ATP1B1: variants seen among roughly 807,000 people sequenced by gnomAD.
ATP1B1 encodes the protein sodium/potassium-transporting ATPase subunit beta-1.
Under a neutral mutation model 39.6 loss-of-function variants are expected in ATP1B1, and 3 were observed. That is an observed-to-expected ratio of 0.08 (90% CI 0.03 to 0.20). The LOEUF (loss-of-function observed/expected upper bound fraction) is 0.20, where lower values mean the gene tolerates loss of function less well. Ranked by LOEUF, ATP1B1 falls within the 10% of genes least tolerant of loss-of-function variation. The probability of loss-of-function intolerance (pLI) is 1.00; values close to 1 mark genes in which losing one functional copy is unlikely to be tolerated. For synonymous variants in ATP1B1, 139 were observed against 135.0 expected (o/e 1.03, Z -0.20); for missense variants, 216 against 371.1 (o/e 0.58, Z 3.43).
At chr1:169,123,565 G>C (rs530518439) in intron 2 of ATP1B1, among the ~76,000 whole-genome samples, 1 of 149,860 alleles carries the variant, frequency 6.7e-6, no homozygotes, top group Non-Finnish European at 1.5e-5. Context: ...TTGAATTTCA[G>C]TTAAACTATA....
Position 169,125,017 on chromosome 1 carries a change from C to A in ATP1B1, c.360C>A (p.Asp120Glu). The A allele has an allele frequency of 6.2e-7, 1 of 1,612,718 alleles. No individual in the cohort carries two copies. The highest frequency in any genetic ancestry group is 1.1e-5 in the South Asian group (1 of 90,680). Residue 120 changes from aspartate (D) to glutamate (E), a missense_variant, in exon 3 of 6, where the codon GAC (aspartate) becomes GAA (glutamate). Physicochemically the swap from Asp to Glu is conservative, Grantham distance 45. Transcript: ENST00000367815. ...ACAAAGATTCAGCCCAGAGGGATGA[C>A]ATGATTTTTGAAGATTGTGGCGGTA... is the stretch of plus-strand genomic sequence containing the variant. Reference protein sequence around the residue: ...EKYKDSAQRDDMIFEDCGDVP... With the variant: ...EKYKDSAQRDEMIFEDCGDVP...
intron 2 of ATP1B1, among the ~76,000 whole-genome samples, chr1:169,112,174 T>C (rs557004575): frequency 6.6e-6 from 1 of 152,380 alleles, no homozygotes; most frequent in Non-Finnish European, 1.5e-5. Context: ...CTGTCTCTTT[T>C]AGCTCTTAAA....
In ATP1B1 at chr1:169,131,210, G is replaced by A. The variant is rs1658212299; in HGVS notation, c.649-82G>A. 2.6e-6 allele frequency: 4 copies of A among 1,531,494 alleles called. No homozygotes were observed. The highest frequency in any genetic ancestry group is 3.6e-6 in the Non-Finnish European group (4 of 1,126,252). The allele number at this position is 1,531,494 out of a possible 1,614,324, so 94.9% of individuals were successfully genotyped here. ...CTCTCTCAGTAGTTTGCAAACTACT[G>A]TGTAGATTGAGTCTTGTTTTTGAGT... is the stretch of plus-strand genomic sequence containing the variant. On this transcript the variant is annotated intron_variant, in intron 5 of 5. Coordinates refer to ENST00000367815, the MANE Select transcript of ATP1B1 (RefSeq NM_001677.4). The surrounding 1 kb of genome is among the most constrained non-coding windows in gnomAD (Gnocchi z 4.4).
At chr1:169,107,662 G>A (rs1657630142) in intron 1 of ATP1B1, among the ~76,000 whole-genome samples, 1 of 152,026 alleles carries the variant, frequency 6.6e-6, no homozygotes, top group African/African-American at 2.4e-5. Context: ...CAGAGCAGCT[G>A]ATCTTAAAAT....
intron 2 of ATP1B1, among the ~76,000 whole-genome samples, chr1:169,115,204 A>G (rs1364045127): frequency 3.2e-5 from 4 of 126,642 alleles, no homozygotes; most frequent in Non-Finnish European, 5.4e-5. Flanking sequence ...AAAAAAGAAA[A>G]AAAAGGGGGG....
intron 2 of ATP1B1, among the ~76,000 whole-genome samples, chr1:169,122,780 A>G (rs1267534781): frequency 2.4e-5 from 2 of 84,304 alleles, no homozygotes; most frequent in Non-Finnish European, 5.2e-5. Context: ...TAATTGCGAT[A>G]GAGTCTTGCT....
intron 5 of ATP1B1, 117 bp downstream of exon 5, chr1:169,130,207 G>A (rs1658177142): frequency 2.3e-6 from 2 of 878,294 alleles, no homozygotes. Flanking sequence ...AAGAAACATT[G>A]CTTTCAAGTA....
At chr1:169,119,553 G>T (rs949800914) in intron 2 of ATP1B1, among the ~76,000 whole-genome samples, 1 of 152,200 alleles carries the variant, frequency 6.6e-6, no homozygotes, top group Non-Finnish European at 1.5e-5. Context: ...AGAAAGAGGG[G>T]CATGATGGGA....
In ATP1B1 at chr1:169,132,169, G is replaced by C. The variant is rs1357214403; in HGVS notation, c.*614G>C. ...GGGGGCTGGGGTGGGGGTTTGTCAT[G>C]GGGGAACTGCCCTTTAAATTTTAAG... On this transcript the variant is annotated 3_prime_UTR_variant, in exon 6 of 6. Transcript: ENST00000367815. The C allele has an allele frequency of 3.1e-6, 2 of 634,920 alleles. No homozygotes were observed. Among genetic ancestry groups the C allele is most frequent in the Admixed American group, 4.1e-5 (2 of 48,690 alleles). 39.3% of individuals were successfully genotyped at this position (634,920 alleles called of 1,614,324 possible).
In ATP1B1 at chr1:169,132,602, G is replaced by A; in HGVS notation, c.*1047G>A. ...AGTACCCCATAGACTGGTGTTAAATGTTGTCTACAGTGCAAAATCCATGTT... is the reference window on the plus strand; with the variant it reads ...AGTACCCCATAGACTGGTGTTAAATATTGTCTACAGTGCAAAATCCATGTT... On this transcript the variant is annotated 3_prime_UTR_variant, in exon 6 of 6. Coordinates refer to ENST00000367815, the MANE Select transcript of ATP1B1 (RefSeq NM_001677.4). 1.9e-6 allele frequency: 1 copy of A among 537,778 alleles called. No homozygotes were observed. The highest frequency in any genetic ancestry group is 3.0e-5 in the South Asian group (1 of 32,894). 33.3% of individuals were successfully genotyped at this position (537,778 alleles called of 1,614,324 possible). A position where few individuals can be genotyped will look rare whatever the true frequency, so the allele number is the denominator to read the frequency against.
rs1028991221 is a variant in ATP1B1 at position 169,130,188 on chromosome 1, A to G, written c.648+98A>G. 4.0e-6 allele frequency: 4 copies of G among 1,003,440 alleles called. No homozygotes were observed. In the African/African-American group the frequency reaches 6.5e-5, roughly 16 times the overall value. 62.2% of individuals were successfully genotyped at this position (1,003,440 alleles called of 1,614,324 possible). Reference sequence around the variant, plus strand: ...TTTAAGTGACAGGTAGAATTTTAATAGAAGAAATAAGAAACATTGCTTTCA... The same window carrying G: ...TTTAAGTGACAGGTAGAATTTTAATGGAAGAAATAAGAAACATTGCTTTCA... On this transcript the variant is annotated intron_variant, in intron 5 of 5. Transcript: ENST00000367815.
chr1:169,114,839 C>T (rs985916559), intron 2 of ATP1B1, among the ~76,000 whole-genome samples: 1 of 151,674 alleles, frequency 6.6e-6, no homozygotes, highest in Non-Finnish European at 1.5e-5. Context: ...GCCTGGGCAA[C>T]ATAGCAAGAC....
Position 169,129,086 on chromosome 1 carries a change from A to G in ATP1B1, c.568-924A>G, listed in dbSNP as rs544330590. ...TCTCTACATATTTTTAAAGACAAATACATTGCTGGCAGAAACGTCCCAAAG... is the reference window on the plus strand; with the variant it reads ...TCTCTACATATTTTTAAAGACAAATGCATTGCTGGCAGAAACGTCCCAAAG... On this transcript the variant is annotated intron_variant, in intron 4 of 5. Coordinates refer to ENST00000367815, the MANE Select transcript of ATP1B1 (RefSeq NM_001677.4). Among the ~76,000 whole-genome samples, 14 of 152,350 alleles carry G rather than the reference A, an allele frequency of 9.2e-5. No individual in the cohort carries two copies. The South Asian group carries it at 2.7e-3, about 29-fold the overall frequency.
intron 2 of ATP1B1, among the ~76,000 whole-genome samples, chr1:169,123,988 A>AT (rs969258033): frequency 1.3e-5 from 2 of 152,190 alleles, no homozygotes; most frequent in South Asian, 2.1e-4. Context: ...ACATACTTAT[A>AT]TTTTTTTAAA....
Position 169,111,385 on chromosome 1 carries a change from T to C in ATP1B1, c.113T>C (p.Phe38Ser). ...CTTCTTGCAGTTAAGATCCTTCTAT[T>C]CTACGTAATATTTTATGGCTGCCTG... The part of the protein sequence containing the change: ...TGGSWFKILL[F>S]YVIFYGCLAG... The change falls in exon 2 of 6, where the codon TTC becomes TCC. Residue 38 changes from phenylalanine to serine, a missense_variant. Transcript: ENST00000367815. The C allele has an allele frequency of 6.2e-7, 1 of 1,614,186 alleles. No homozygotes were observed.
At chr1:169,115,171 C>T (rs565762602) in intron 2 of ATP1B1, among the ~76,000 whole-genome samples, 9 of 121,846 alleles carry the variant, frequency 7.4e-5, no homozygotes, top group Admixed American at 2.9e-4. Context: ...GGTGACAGAG[C>T]GAAGACTCCA....
intron 5 of ATP1B1, among the ~76,000 whole-genome samples, chr1:169,130,900 T>C (rs1473937745): frequency 1.3e-5 from 2 of 149,710 alleles, no homozygotes; most frequent in Admixed American, 6.7e-5. Flanking sequence ...AGAAAGGGAG[T>C]TCCCAGACAG....
At position 169,124,854 on chromosome 1, in the gene ATP1B1, T is replaced by C. The variant is rs746026374; in HGVS notation, c.227-30T>C. 1.9e-6 allele frequency: 3 copies of C among 1,603,666 alleles called. No individual in the cohort carries two copies. The Admixed American group carries it at 5.2e-5, about 28-fold the overall frequency. On this transcript the variant is annotated intron_variant, in intron 2 of 5. Transcript: ENST00000367815. ...TGAATTGTCTTCGTTTCTGCCTTCC[T>C]ACTAATGTTTTTCTCTCTGCCTGGT...
rs1257142922 is a variant in ATP1B1 at position 169,106,834 on chromosome 1, C to T, written c.5C>T (p.Ala2Val). 2 of 1,578,240 alleles carry T rather than the reference C, an allele frequency of 1.3e-6. No homozygotes were observed. The highest frequency in any genetic ancestry group is 8.6e-7 in the Non-Finnish European group (1 of 1,165,288). Reference sequence around the variant, plus strand: ...AGCTGCTGACCCGCCATCGCCATGGCCCGCGGGAAAGCCAAGGAGGAGGGC... The same window carrying T: ...AGCTGCTGACCCGCCATCGCCATGGTCCGCGGGAAAGCCAAGGAGGAGGGC... M[A>V]RGKAKEEGSW... The change falls in exon 1 of 6, where the codon GCC (alanine) becomes GTC (valine). Residue 2 changes from alanine (A) to valine (V), a missense_variant. Coordinates refer to ENST00000367815, the MANE Select transcript of ATP1B1 (RefSeq NM_001677.4).
Sources: allele counts gnomAD v4.1 joint callset (sites outside exome capture counted in the v4.1 genomes callset), GRCh38; gene constraint gnomAD v4.1.1; non-coding constraint Gnocchi (gnomAD v3.1); transcripts MANE v1.5; gene names NCBI Gene and HGNC (gene_info 2026-07-23, HGNC 2026-07-21).